XDH: variants seen among roughly 807,000 people sequenced by gnomAD.
XDH encodes xanthine dehydrogenase.
A neutral mutation model predicts 156.1 loss-of-function variants in XDH; 138 were observed. The ratio of observed to expected loss-of-function variants is 0.88; its 90% CI spans 0.77 to 1.02. XDH has a LOEUF of 1.02. XDH is among the 50% of genes least tolerant of loss of function. The pLI is 0.00. For synonymous variants in XDH, 669 were observed against 625.7 expected (o/e 1.07, Z -1.03); for missense variants, 1,849 against 1,684.9 (o/e 1.10, Z -1.71).
At chr2:31,364,993 A>G (rs1335608779) in intron 23 of XDH, among the ~76,000 whole-genome samples, 4 of 152,308 alleles carry the variant, frequency 2.6e-5, no homozygotes, top group Non-Finnish European at 4.4e-5. Flanking sequence ...TCCCAGAGAG[A>G]AGTGTGGACC....
At chr2:31,396,204 G>A (rs1243348651) in intron 6 of XDH, among the ~76,000 whole-genome samples, 2 of 152,220 alleles carry the variant, frequency 1.3e-5, no homozygotes, top group East Asian at 3.8e-4. Context: ...GCACTGCAGG[G>A]TAGCTGAATT....
intron 8 of XDH, 31 bp from the exon 9 acceptor site, chr2:31,386,586 C>T (rs779371301): frequency 3.3e-5 from 53 of 1,613,808 alleles, no homozygotes; most frequent in Non-Finnish European, 4.2e-5. Flanking sequence ...ACTACACTGT[C>T]TCCCTCTTCC....
rs1685891807 is a variant in XDH, at chr2:31,365,562, T to G, written c.2457-18A>C. 1.2e-6 allele frequency: 2 copies of G among 1,614,030 alleles called. No individual in the cohort carries two copies. Among genetic ancestry groups the G allele is most frequent in the Admixed American group, 3.3e-5 (2 of 60,028 alleles). On this transcript the variant is annotated intron_variant, in intron 22 of 35. Transcript: ENST00000379416. ...GGCCGGTCCTGGGGGTTACCGACAG[T>G]GTTAGAAGCCTGTGAGCCTTCAACA...
intron 31 of XDH, 74 bp from the exon 32 acceptor site, chr2:31,342,371 G>T: frequency 7.7e-7 from 1 of 1,294,858 alleles, no homozygotes; most frequent in Non-Finnish European, 1.1e-6. Context: ...CGTACAGCTT[G>T]ACCCACAACA....
intron 23 of XDH, 130 bp from the exon 24 acceptor site, chr2:31,364,374 A>T: frequency 1.1e-6 from 1 of 930,564 alleles, no homozygotes; most frequent in Non-Finnish European, 1.7e-6. Flanking sequence ...ATCCCGTGAA[A>T]AAAAGGTGAC....
chr2:31,391,090 T>C (rs762395229), intron 6 of XDH, among the ~76,000 whole-genome samples: 1 of 152,246 alleles, frequency 6.6e-6, no homozygotes, highest in Non-Finnish European at 1.5e-5. Context: ...TGTCATCTTC[T>C]AGGAGTTTTA....
intron 14 of XDH, among the ~76,000 whole-genome samples, chr2:31,376,594 T>C (rs1686250955): frequency 1.3e-5 from 2 of 149,544 alleles, no homozygotes; most frequent in Non-Finnish European, 3.0e-5. Context: ...GTATTAGCAA[T>C]AGTAATAGTA....
At chr2:31,363,889 T>C (rs1365789886) in intron 24 of XDH, among the ~76,000 whole-genome samples, 1 of 152,164 alleles carries the variant, frequency 6.6e-6, no homozygotes, top group Non-Finnish European at 1.5e-5. Context: ...ACACACACAA[T>C]GCCACCACAC....
intron 4 of XDH, among the ~76,000 whole-genome samples, chr2:31,399,420 C>A (rs1375230076): frequency 6.6e-6 from 1 of 152,134 alleles, no homozygotes; most frequent in Non-Finnish European, 1.5e-5. Flanking sequence ...AAGCCAGAAC[C>A]ACAGTGTCAC....
At chr2:31,370,143 A>G (rs976785059) in intron 18 of XDH, among the ~76,000 whole-genome samples, 1 of 152,200 alleles carries the variant, frequency 6.6e-6, no homozygotes, top group Admixed American at 6.5e-5. Flanking sequence ...TGGCATAGAG[A>G]CATCCTGCCA....
intron 22 of XDH, 100 bp from the exon 23 acceptor site, chr2:31,365,644 C>G: frequency 7.2e-7 from 1 of 1,394,794 alleles, no homozygotes; most frequent in Non-Finnish European, 1.0e-6. Flanking sequence ...TCTTTTCCAC[C>G]TGCACGCTGA....
intron 3 of XDH, among the ~76,000 whole-genome samples, chr2:31,402,202 C>A (rs757972699): frequency 6.6e-6 from 1 of 152,118 alleles, no homozygotes; most frequent in Non-Finnish European, 1.5e-5. Flanking sequence ...AAGTAGTCAA[C>A]AAACTTATAA....
chr2:31,337,386 G>A (rs755428302), intron 35 of XDH, among the ~76,000 whole-genome samples: 2 of 152,090 alleles, frequency 1.3e-5, no homozygotes, highest in Non-Finnish European at 2.9e-5. Context: ...TGTGAGTTAT[G>A]ACTGTGCACC....
chr2:31,343,308 A>ATATATATATATGCATGTT (rs1553411656), intron 31 of XDH, among the ~76,000 whole-genome samples: 44 of 98,452 alleles, frequency 4.5e-4, no homozygotes, highest in African/African-American at 1.5e-3. Flanking sequence ...ATATATATAT[A>ATATATATATATGCATGTT]TATATATATA....
rs1359260907 is a variant in XDH at position 31,347,548 on chromosome 2, C to T, written c.3250G>A (p.Ala1084Thr). The T allele has an allele frequency of 1.9e-6, 3 of 1,613,942 alleles. No individual in the cohort carries two copies. Among genetic ancestry groups the T allele is most frequent in the East Asian group, 2.2e-5 (1 of 44,878 alleles). Residue 1084 changes from alanine to threonine, a missense_variant, in exon 29 of 36, where the codon GCT becomes ACT. Transcript: ENST00000379416. ...NTSPTAASVS[A>T]DLNGQAVYAA... ...TAGACGGCCTGTCCATTGAGGTCAG[C>T]GCTGACAGAGGCAGCCGTGGGAGAG... is the stretch of plus-strand genomic sequence containing the variant.
At chr2:31,397,019 C>T (rs1278339304) in intron 6 of XDH, among the ~76,000 whole-genome samples, 1 of 152,154 alleles carries the variant, frequency 6.6e-6, no homozygotes, top group Non-Finnish European at 1.5e-5. Context: ...ATTAACGTGG[C>T]CCAATTGAGA....
At chr2:31,340,114 C>T (rs1203212726) in intron 33 of XDH, among the ~76,000 whole-genome samples, 1 of 152,250 alleles carries the variant, frequency 6.6e-6, no homozygotes, top group Non-Finnish European at 1.5e-5. Flanking sequence ...CACTGCAGTT[C>T]AGCTTACAGG....
At chr2:31,403,214 G>T in intron 2 of XDH, 70 bp from the exon 3 acceptor site, 1 of 1,548,020 alleles carries the variant, frequency 6.5e-7, no homozygotes, top group Non-Finnish European at 8.9e-7. Context: ...GAAATGCCTG[G>T]GCAGAGCTGT....
chr2:31,374,475 C>CAG (rs886093735), intron 15 of XDH, among the ~76,000 whole-genome samples: 8 of 150,914 alleles, frequency 5.3e-5, no homozygotes, highest in East Asian at 1.9e-4. Flanking sequence ...CAGATAGAAA[C>CAG]AGAGAGAGAG....
Sources: gnomAD v4.1 joint callset for allele counts (sites outside exome capture counted in the v4.1 genomes callset) on GRCh38, gnomAD v4.1.1 for gene constraint, MANE v1.5 for transcripts, NCBI Gene and HGNC (gene_info 2026-07-23, HGNC 2026-07-21) for gene names.